WDR17: variants seen among roughly 807,000 people sequenced by gnomAD.
The protein encoded by WDR17 is WD repeat-containing protein 17.
WDR17 carries 143 observed loss-of-function variants against 161.7 expected under a neutral mutation model. That is an observed-to-expected ratio of 0.88 (90% CI 0.77 to 1.02). The LOEUF is 1.02. Among genes scored for constraint, WDR17 ranks in the 50% least tolerant of loss-of-function variants. The pLI, the probability that WDR17 is intolerant of heterozygous loss-of-function variation, is 0.00. For synonymous variants in WDR17, 517 were observed against 515.6 expected, an observed-to-expected ratio of 1.00 and a Z score of -0.04; for missense variants, 1,469 against 1,520.9, an observed-to-expected ratio of 0.97 and a Z score of 0.57.
intron 26 of WDR17, among the ~76,000 whole-genome samples, chr4:176,175,141 G>T (rs1360005640): frequency 6.6e-6 from 1 of 152,194 alleles, no homozygotes; most frequent in Non-Finnish European, 1.5e-5. Flanking sequence ...AGGTAAGAGT[G>T]AAAGAGACCA....
chr4:176,159,921 T>C (rs1748770248), intron 18 of WDR17, 73 bp from the exon 19 acceptor site: 2 of 1,393,478 alleles, frequency 1.4e-6, no homozygotes, highest in Admixed American at 2.3e-5. Context: ...TAGCCATACT[T>C]TCAGAAAATC....
chr4:176,092,905 G>A (rs1018380296), intron 1 of WDR17, among the ~76,000 whole-genome samples: 1 of 152,146 alleles, frequency 6.6e-6, no homozygotes, highest in Admixed American at 6.6e-5. Context: ...AGCCGGGTGT[G>A]GTGGCGCATG....
chr4:176,146,039 A>G lies in WDR17; in HGVS notation c.1574A>G (p.Tyr525Cys), dbSNP rs778913747. The G allele has an allele frequency of 4.3e-6, 7 of 1,613,846 alleles. No individual in the cohort carries two copies. In the African/African-American group the frequency reaches 5.3e-5, roughly 12 times the overall value. ...TGTGAAGACACAAATGTTCGTGTTTATTATGTAGCCACCAGCTCAGATCAA... is the reference window on the plus strand; with the variant it reads ...TGTGAAGACACAAATGTTCGTGTTTGTTATGTAGCCACCAGCTCAGATCAA... ...TGCEDTNVRV[Y>C]YVATSSDQPL... The change falls in exon 12 of 29, where the codon TAT becomes TGT. Residue 525 changes from tyrosine (Y) to cysteine (C), a missense_variant. Tyr to Cys is a radical substitution (Grantham distance 194). Coordinates refer to ENST00000508596, the MANE Select transcript of WDR17 (RefSeq NM_181265.4).
At chr4:176,104,670 G>C (rs1208899873) in intron 1 of WDR17, among the ~76,000 whole-genome samples, 11 of 152,022 alleles carry the variant, frequency 7.2e-5, no homozygotes. Flanking sequence ...AGTTAAATTA[G>C]AGTCTTGTAA....
intron 1 of WDR17, among the ~76,000 whole-genome samples, chr4:176,089,403 T>A (rs1321192421): frequency 6.6e-6 from 1 of 152,206 alleles, no homozygotes; most frequent in African/African-American, 2.4e-5. Flanking sequence ...TATTTTATAG[T>A]ACCCTAATGT....
intron 26 of WDR17, among the ~76,000 whole-genome samples, chr4:176,174,934 A>G (rs1377713757): frequency 2.0e-5 from 3 of 152,238 alleles, no homozygotes. Flanking sequence ...CCTAGGATTT[A>G]TTGATCTTTC....
At chr4:176,114,868 A>C (rs1316230232) in intron 2 of WDR17, among the ~76,000 whole-genome samples, 2 of 151,568 alleles carry the variant, frequency 1.3e-5, no homozygotes, top group Non-Finnish European at 2.9e-5. Flanking sequence ...TAGAGTATTT[A>C]GAAGCCAAGG....
At chr4:176,109,581 G>A (rs1258631757) in intron 1 of WDR17, among the ~76,000 whole-genome samples, 1 of 152,174 alleles carries the variant, frequency 6.6e-6, no homozygotes, top group African/African-American at 2.4e-5. Flanking sequence ...AAGAGGAGAT[G>A]AGAAGAAAGT....
At chr4:176,155,155 G>A (rs1373701514) in intron 17 of WDR17, among the ~76,000 whole-genome samples, 2 of 152,032 alleles carry the variant, frequency 1.3e-5, no homozygotes, top group Non-Finnish European at 2.9e-5. Flanking sequence ...AGTTGTATTA[G>A]AATATGAGTC....
At chr4:176,131,438 A>T (rs1345596115) in intron 6 of WDR17, 116 bp from the exon 7 acceptor site, 3 of 1,021,028 alleles carry the variant, frequency 2.9e-6, no homozygotes, top group Non-Finnish European at 4.1e-6. Flanking sequence ...AGAATATATG[A>T]TCATTGCCTA....
chr4:176,173,676 C>T (rs1487039955), intron 25 of WDR17, among the ~76,000 whole-genome samples: 2 of 151,958 alleles, frequency 1.3e-5, no homozygotes, highest in East Asian at 3.9e-4. Context: ...GCCACCATGC[C>T]TGGCTAATTT....
At chr4:176,106,503 A>G (rs1406487209) in intron 1 of WDR17, among the ~76,000 whole-genome samples, 1 of 152,146 alleles carries the variant, frequency 6.6e-6, no homozygotes, top group East Asian at 1.9e-4. Context: ...TAATGTTAAG[A>G]CCAATATCTT....
At chr4:176,172,771 A>C (rs760112354) in intron 24 of WDR17, among the ~76,000 whole-genome samples, 10 of 152,118 alleles carry the variant, frequency 6.6e-5, no homozygotes, top group Non-Finnish European at 1.2e-4. Context: ...AGGAGCAGGC[A>C]TATCACTTGG....
chr4:176,152,135 C>A (rs1368894134), intron 17 of WDR17, among the ~76,000 whole-genome samples, 168 bp downstream of exon 17: 3 of 151,278 alleles, frequency 2.0e-5, no homozygotes, highest in Non-Finnish European at 4.4e-5. Context: ...CACGGTAAAA[C>A]CCCACCTCTA....
At chr4:176,128,440 G>A (rs550246811) in intron 5 of WDR17, among the ~76,000 whole-genome samples, 8 of 152,198 alleles carry the variant, frequency 5.3e-5, no homozygotes, top group Non-Finnish European at 1.2e-4. Context: ...ATGTCAATAG[G>A]GTCTTTTTTT....
At chr4:176,074,375 A>G (rs999157561) in intron 1 of WDR17, among the ~76,000 whole-genome samples, 2 of 98,488 alleles carry the variant, frequency 2.0e-5, no homozygotes, top group African/African-American at 6.4e-5. Context: ...TGAGAGATAT[A>G]TATAAAACTC....
chr4:176,113,132 G>A (rs1740046612), intron 2 of WDR17, among the ~76,000 whole-genome samples: 1 of 151,228 alleles, frequency 6.6e-6, no homozygotes, highest in African/African-American at 2.4e-5. Flanking sequence ...ACTTCTAAAT[G>A]CCTGTTTTTT....
chr4:176,081,433 C>T (rs1734734807), intron 1 of WDR17, among the ~76,000 whole-genome samples: 1 of 151,966 alleles, frequency 6.6e-6, no homozygotes, highest in Non-Finnish European at 1.5e-5. Flanking sequence ...TTTTATACAG[C>T]CTTCTTGGCC....
Position 176,137,566 on chromosome 4 carries a change from T to C in WDR17, c.1314T>C (p.Phe438=). The C allele has an allele frequency of 3.1e-6, 5 of 1,600,790 alleles. No individual in the cohort carries two copies. Among genetic ancestry groups the C allele is most frequent in the Non-Finnish European group, 4.3e-6 (5 of 1,171,636 alleles). ...GGGGAACTTCCCGAAATGGTGCTTT[T>C]ATTTGGAATGTTCAAAAGGGCAAAA... The part of the protein sequence containing the change: ...IAGGTSRNGA[F]IWNVQKGKII... Residue 438 remains phenylalanine (F), a synonymous_variant, in exon 9 of 29, where the codon TTT becomes TTC. Transcript: ENST00000508596.
Sources: allele counts gnomAD v4.1 joint callset (sites outside exome capture counted in the v4.1 genomes callset), GRCh38; gene constraint gnomAD v4.1.1; transcripts MANE v1.5; gene names NCBI Gene and HGNC (gene_info 2026-07-23, HGNC 2026-07-21).